WDFY4: variants seen among roughly 807,000 people sequenced by gnomAD.
WDFY4 encodes the protein WDFY family member 4, also known as WD repeat- and FYVE domain-containing protein 4.
A neutral mutation model predicts 351.9 loss-of-function variants in WDFY4; 169 were observed. The observed-to-expected ratio is 0.48, with a 90% confidence interval of 0.42 to 0.55. The LOEUF is 0.55. Ranked by LOEUF, WDFY4 falls within the 20% of genes least tolerant of loss-of-function variation. WDFY4 has a pLI of 0.00. For synonymous variants in WDFY4, 1,622 were observed against 1,574.6 expected (o/e 1.03, Z -0.71); for missense variants, 3,803 against 3,935.6 (o/e 0.97, Z 0.90).
chr10:48,774,812 C>A, intron 14 of WDFY4, 140 bp downstream of exon 14: 1 of 1,128,070 alleles, frequency 8.9e-7, no homozygotes, highest in Non-Finnish European at 1.3e-6. Flanking sequence ...GGCTGGAGTC[C>A]ATGGCTGAGC....
At chr10:48,887,978 C>A (rs953673415) in intron 43 of WDFY4, among the ~76,000 whole-genome samples, 2 of 152,092 alleles carry the variant, frequency 1.3e-5, no homozygotes, top group Non-Finnish European at 2.9e-5. Flanking sequence ...AATTAGACAG[C>A]TCTATGATAA....
chr10:48,959,848 G>A, intron 53 of WDFY4, 35 bp downstream of exon 53: 2 of 1,522,782 alleles, frequency 1.3e-6, no homozygotes, highest in East Asian at 2.5e-5. Context: ...ATCCTGCTGG[G>A]GACCTGAACA....
chr10:48,787,904 TTCTTCTTCTTC>T (rs1565198631), intron 20 of WDFY4, among the ~76,000 whole-genome samples: 8 of 29,436 alleles, frequency 2.7e-4, no homozygotes, highest in African/African-American at 1.1e-3. Context: ...CTTCTTCTTC[TTCTTCTTCTTC>T]TTCTTCTTCT....
intron 1 of WDFY4, among the ~76,000 whole-genome samples, chr10:48,705,465 G>T (rs905226679): frequency 1.3e-5 from 2 of 152,132 alleles, no homozygotes; most frequent in Non-Finnish European, 2.9e-5. Flanking sequence ...CTGGCTTGTA[G>T]GTGGGGCACT....
At position 48,821,970 on chromosome 10, in the gene WDFY4, A is replaced by G. The variant is rs146353199; in HGVS notation, c.5825-410A>G. On this transcript the variant is annotated intron_variant, in intron 34 of 61. Transcript: ENST00000325239. ...GGGGTTAGTTGAGATCATCACACAC[A>G]TGGCTGAGCACAGTACCTGCTGTGT... Among the ~76,000 whole-genome samples, 23 of 152,316 alleles carry G rather than the reference A, an allele frequency of 1.5e-4. No individual in the cohort carries two copies. In the East Asian group the frequency reaches 3.3e-3, roughly 22 times the overall value.
At position 48,721,271 on chromosome 10, in the gene WDFY4, G is replaced by A; in HGVS notation, c.360G>A (p.Arg120=). 6.4e-7 allele frequency: 1 copy of A among 1,551,708 alleles called. No homozygotes were observed. The highest frequency in any genetic ancestry group is 8.7e-7 in the Non-Finnish European group (1 of 1,146,986). ...ALVGKPAEQA[R]LAAGQLLWWK... ...GACACTTTCTTCCAGAGCAAGCTCGGTTGGCAGCTGGACAGTTGCTGTGGT... is the reference window on the plus strand; with the variant it reads ...GACACTTTCTTCCAGAGCAAGCTCGATTGGCAGCTGGACAGTTGCTGTGGT... The change falls in exon 4 of 62, where the codon CGG becomes CGA. Residue 120 remains arginine (R), a synonymous_variant. Transcript: ENST00000325239.
At chr10:48,952,342 A>G (rs887315648) in intron 51 of WDFY4, among the ~76,000 whole-genome samples, 2 of 152,192 alleles carry the variant, frequency 1.3e-5, no homozygotes, top group African/African-American at 2.4e-5. Flanking sequence ...CTAGACATAG[A>G]AACTGCCAGC....
At chr10:48,838,972 A>C (rs1036564911) in intron 39 of WDFY4, among the ~76,000 whole-genome samples, 12 of 152,180 alleles carry the variant, frequency 7.9e-5, no homozygotes, top group African/African-American at 1.2e-4. Context: ...GGGCACGTTG[A>C]GCCTTGGAGA....
Position 48,832,621 on chromosome 10 carries a change from G to A in WDFY4, c.6575G>A (p.Ser2192Asn), listed in dbSNP as rs1364210795. 1.7e-5 allele frequency: 27 copies of A among 1,551,152 alleles called. No individual in the cohort carries two copies. The East Asian group carries it at 6.4e-4, about 37-fold the overall frequency. Residue 2192 changes from serine (S) to asparagine (N), a missense_variant, in exon 39 of 62, where the codon AGC (serine) becomes AAC (asparagine). This residue lies in a region of WDFY4 where 3,054 missense variants were observed against 3,148.6 expected (regional missense o/e 0.97). Coordinates refer to ENST00000325239, the MANE Select transcript of WDFY4 (RefSeq NM_001394531.1). ...LASRSNVAHH[S>N]KVTLWSGSLS... ...AGTCGTTCAAATGTTGCACACCACA[G>A]CAAAGTCACTTTGTGGAGTGGAAGC...
intron 43 of WDFY4, among the ~76,000 whole-genome samples, chr10:48,889,733 G>T (rs576405753): frequency 3.4e-4 from 51 of 152,202 alleles, no homozygotes; most frequent in Non-Finnish European, 7.2e-4. Context: ...GTCAGGTTCT[G>T]CACGGAGAAA....
Position 48,723,552 on chromosome 10 carries a change from A to G in WDFY4, c.576A>G (p.Gln192=), listed in dbSNP as rs2064162262. 1.3e-6 allele frequency: 2 copies of G among 1,551,930 alleles called. No individual in the cohort carries two copies. ...TTCTTGAGAGTGATCTTCAAGTTCA[A>G]AAGATGTTCGTGCAGGTGAGTTCAA... ...DELLESDLQV[Q]KMFVQMLLNI... The change falls in exon 5 of 62, where the codon CAA becomes CAG. Residue 192 remains glutamine (Q), a synonymous_variant. Transcript: ENST00000325239.
rs148868209 is a variant in WDFY4, at chr10:48,690,611, T to C, written c.-18+5610T>C. ...CACTCAGCTCTCAGCAGAGGGGATATGTCCTCTCTGCAGCTGGTTGTCCCT... is the reference window on the plus strand; with the variant it reads ...CACTCAGCTCTCAGCAGAGGGGATACGTCCTCTCTGCAGCTGGTTGTCCCT... On this transcript the variant is annotated intron_variant, in intron 1 of 61. Coordinates refer to ENST00000325239, the MANE Select transcript of WDFY4 (RefSeq NM_001394531.1). Among the ~76,000 whole-genome samples the C allele has an allele frequency of 2.8e-3, 424 of 152,286 alleles. 2 individuals carry two copies. The highest frequency in any genetic ancestry group is 9.6e-3 in the Admixed American group (147 of 15,308).
At chr10:48,787,891 CTCCTTCTT>C (rs2066494030) in intron 20 of WDFY4, among the ~76,000 whole-genome samples, 10 of 66,790 alleles carry the variant, frequency 1.5e-4, no homozygotes, top group African/African-American at 7.0e-4. Flanking sequence ...TCTTCTTCTT[CTCCTTCTT>C]CTTCTTCTTC....
chr10:48,901,793 T>C lies in WDFY4; in HGVS notation c.7524-8T>C, dbSNP rs1256416582. 6.4e-7 allele frequency: 1 copy of C among 1,551,380 alleles called. No homozygotes were observed. The highest frequency in any genetic ancestry group is 8.7e-7 in the Non-Finnish European group (1 of 1,146,858). ...GCTGATGGAATTATCCCTTCCCTTT[T>C]CATGTAGCTTCTGCTCTTTCCAACC... On this transcript the variant is annotated splice_region_variant and splice_polypyrimidine_tract_variant and intron_variant, in intron 46 of 61. Coordinates refer to ENST00000325239, the MANE Select transcript of WDFY4 (RefSeq NM_001394531.1).
rs2064914600 is a variant in WDFY4 at position 48,743,372 on chromosome 10, G to C, written c.2283G>C (p.Gln761His). Residue 761 changes from glutamine to histidine, a missense_variant, in exon 12 of 62, where the codon CAG becomes CAC. This residue lies in a region of WDFY4 where 3,054 missense variants were observed against 3,148.6 expected (regional missense o/e 0.97). Transcript: ENST00000325239. ...GCGGCTCACTCCCACCCCGGATACA[G>C]AGCTGCCTCCAGATCCTTGGCTTTC... ...SSSGSLPPRIQSCLQILGFLD... is the reference protein window; with the variant it reads ...SSSGSLPPRIHSCLQILGFLD... 1.3e-6 allele frequency: 2 copies of C among 1,551,528 alleles called. No homozygotes were observed. Among genetic ancestry groups the C allele is most frequent in the Non-Finnish European group, 8.7e-7 (1 of 1,147,006 alleles).
At chr10:48,905,968 C>T (rs1837595348) in intron 47 of WDFY4, among the ~76,000 whole-genome samples, 1 of 152,206 alleles carries the variant, frequency 6.6e-6, no homozygotes, top group Admixed American at 6.5e-5. Flanking sequence ...CTTGCCAGCC[C>T]AATTGTGGCT....
At position 48,978,228 on chromosome 10, in the gene WDFY4, C is replaced by A. The variant is rs183964792; in HGVS notation, c.9292-81C>A. The A allele has an allele frequency of 4.3e-6, 6 of 1,411,598 alleles. No homozygotes were observed. The East Asian group carries it at 1.3e-4, about 30-fold the overall frequency. 87.4% of individuals were successfully genotyped at this position (1,411,598 alleles called of 1,614,324 possible). A position where few individuals can be genotyped will look rare whatever the true frequency, so the allele number is the denominator to read the frequency against. On this transcript the variant is annotated intron_variant, in intron 59 of 61. Coordinates refer to ENST00000325239, the MANE Select transcript of WDFY4 (RefSeq NM_001394531.1). Reference sequence around the variant, plus strand: ...ATCCTTTCCCTGGGGGACCCCTAGGCGTGAGGAAATGGACTAGGCCACTCC... The same window carrying A: ...ATCCTTTCCCTGGGGGACCCCTAGGAGTGAGGAAATGGACTAGGCCACTCC...
At position 48,734,178 on chromosome 10, in the gene WDFY4, G is replaced by A. The variant is rs1328005193; in HGVS notation, c.1687+143G>A. The stretch of plus-strand genomic sequence containing the variant: ...TGTGGCTAATGATCCTCTCTTGGCC[G>A]ATGTTCAGTGATCATCAGTAAATTC... On this transcript the variant is annotated intron_variant, in intron 10 of 61. Transcript: ENST00000325239. 10 of 677,230 alleles carry A rather than the reference G, an allele frequency of 1.5e-5. No individual in the cohort carries two copies. In the South Asian group the frequency reaches 2.0e-4, roughly 13 times the overall value. The allele number at this position is 677,230 out of a possible 1,614,324, so 42.0% of individuals were successfully genotyped here. A position where few individuals can be genotyped will look rare whatever the true frequency, so the allele number is the denominator to read the frequency against.
intron 8 of WDFY4, among the ~76,000 whole-genome samples, chr10:48,730,261 C>G (rs1056528753): frequency 5.3e-5 from 8 of 152,152 alleles, no homozygotes; most frequent in African/African-American, 1.9e-4. Flanking sequence ...GCCTGGAAGG[C>G]TGGGTGAGTC....
Sources: gnomAD v4.1 joint callset for allele counts (sites outside exome capture counted in the v4.1 genomes callset) on GRCh38, gnomAD v4.1.1 for gene constraint, gnomAD v4.1.1 regional missense constraint, MANE v1.5 for transcripts, NCBI Gene and HGNC (gene_info 2026-07-23, HGNC 2026-07-21) for gene names.